The following CASQ2 variants were observed in gnomAD, a reference collection of about 807,000 sequenced individuals.
CASQ2 encodes calsequestrin 2, also known as calsequestrin-2.
A neutral mutation model predicts 46.5 loss-of-function variants in CASQ2; 49 were observed. The observed-to-expected ratio is 1.05, with a 90% CI of 0.84 to 1.34. CASQ2 has a LOEUF of 1.34. Ranked by LOEUF, CASQ2 falls within the 40% of genes most tolerant of loss-of-function variation. The pLI is 0.00. For missense variants in CASQ2, 486 were observed against 481.3 expected, an observed-to-expected ratio of 1.01 and a Z score of -0.09; for synonymous variants, 174 against 168.5, an observed-to-expected ratio of 1.03 and a Z score of -0.25.
chr1:115,758,809 C>T (rs1414937295), intron 1 of CASQ2, among the ~76,000 whole-genome samples: 4 of 152,194 alleles, frequency 2.6e-5, no homozygotes, highest in Admixed American at 6.5e-5. Flanking sequence ...CAGCCTGTGG[C>T]CCTAGCCAGA....
intron 6 of CASQ2, 29 bp downstream of exon 6, chr1:115,726,963 C>A (rs747753472): frequency 3.4e-6 from 5 of 1,492,354 alleles, no homozygotes; most frequent in Admixed American, 1.7e-5. Context: ...GACCCCAGGC[C>A]CCCAGCCCCC....
At chr1:115,755,064 G>T (rs752035590) in intron 1 of CASQ2, among the ~76,000 whole-genome samples, 2 of 152,234 alleles carry the variant, frequency 1.3e-5, no homozygotes, top group African/African-American at 4.8e-5. Flanking sequence ...CACATTGAGA[G>T]CTGTGGCTCT....
intron 4 of CASQ2, among the ~76,000 whole-genome samples, chr1:115,734,848 A>G (rs1647903067): frequency 6.6e-6 from 1 of 152,240 alleles, no homozygotes; most frequent in Non-Finnish European, 1.5e-5. Context: ...CTGACCAGAA[A>G]TGCTTGGAAT....
chr1:115,728,006 G>A lies in CASQ2; in HGVS notation c.607-884C>T, dbSNP rs916742792. Reference sequence around the variant, plus strand: ...ATTTCAGAGGCCTGGAATGTGCAACGCTCTATAGAAAACCAAATGCCACTC... The same window carrying A: ...ATTTCAGAGGCCTGGAATGTGCAACACTCTATAGAAAACCAAATGCCACTC... On this transcript the variant is annotated intron_variant, in intron 5 of 10. Transcript: ENST00000261448. Among the ~76,000 whole-genome samples the A allele has an allele frequency of 3.9e-5, 6 of 152,162 alleles. No homozygotes were observed. The South Asian group carries it at 6.2e-4, about 16-fold the overall frequency.
At chr1:115,728,157 G>A (rs188900605) in intron 5 of CASQ2, among the ~76,000 whole-genome samples, 13 of 152,278 alleles carry the variant, frequency 8.5e-5, no homozygotes, top group African/African-American at 2.2e-4. Context: ...GACCCAGGGC[G>A]GCTGCAACTA....
rs10801969 is a variant in CASQ2 at position 115,745,013 on chromosome 1, A to G, written c.235-101T>C. ...ATGTATCAATGGAAGGGTTTCCTCTATACTTGCTGTTACTATGTGACCAAG... is the reference window on the plus strand; with the variant it reads ...ATGTATCAATGGAAGGGTTTCCTCTGTACTTGCTGTTACTATGTGACCAAG... On this transcript the variant is annotated intron_variant, in intron 1 of 10. Transcript: ENST00000261448. 247,365 of 838,986 alleles carry G rather than the reference A, an allele frequency of 0.29. 37,982 individuals carry two copies. Among genetic ancestry groups the G allele is most frequent in the East Asian group, 0.37 (14,509 of 39,264 alleles). 52.0% of individuals were successfully genotyped at this position (838,986 alleles called of 1,614,324 possible). A position where few individuals can be genotyped will look rare whatever the true frequency, so the allele number is the denominator to read the frequency against.
chr1:115,743,324 A>G (rs991659008), intron 2 of CASQ2, among the ~76,000 whole-genome samples: 1 of 151,844 alleles, frequency 6.6e-6, no homozygotes, highest in Non-Finnish European at 1.5e-5. Flanking sequence ...AGTCACGGCA[A>G]TCTTGATCTC....
At chr1:115,748,035 A>G (rs937029686) in intron 1 of CASQ2, among the ~76,000 whole-genome samples, 2 of 152,022 alleles carry the variant, frequency 1.3e-5, no homozygotes, top group Admixed American at 1.3e-4. Flanking sequence ...TTTCTTTCCC[A>G]TTCTTAGAGG....
At chr1:115,728,214 G>C (rs754850719) in intron 5 of CASQ2, among the ~76,000 whole-genome samples, 2 of 152,156 alleles carry the variant, frequency 1.3e-5, no homozygotes, top group Non-Finnish European at 2.9e-5. Context: ...CTTACACAAG[G>C]AGATCCATTC....
chr1:115,710,745 A>C (rs576616401), intron 8 of CASQ2, among the ~76,000 whole-genome samples: 172 of 152,268 alleles, frequency 1.1e-3, no homozygotes, highest in Non-Finnish European at 2.0e-3. Flanking sequence ...ATGTAAATAA[A>C]GAGACCTGGA....
intron 2 of CASQ2, among the ~76,000 whole-genome samples, chr1:115,741,992 G>A (rs1236335737): frequency 6.6e-6 from 1 of 152,092 alleles, no homozygotes; most frequent in Non-Finnish European, 1.5e-5. Flanking sequence ...CACATGGGCG[G>A]GAAATGGTAG....
At chr1:115,764,794 C>T (rs1191744499) in intron 1 of CASQ2, among the ~76,000 whole-genome samples, 1 of 152,176 alleles carries the variant, frequency 6.6e-6, no homozygotes, top group Non-Finnish European at 1.5e-5. Flanking sequence ...TTGCCTTTTT[C>T]TTGCTAAGCT....
intron 9 of CASQ2, among the ~76,000 whole-genome samples, 185 bp downstream of exon 9, chr1:115,705,007 C>T (rs1431877413): frequency 2.0e-5 from 3 of 152,206 alleles, no homozygotes; most frequent in Non-Finnish European, 4.4e-5. Context: ...TAAGCCGAAT[C>T]CTTTCAGGGT....
chr1:115,706,189 T>C (rs891053164), intron 8 of CASQ2, among the ~76,000 whole-genome samples: 1 of 151,444 alleles, frequency 6.6e-6, no homozygotes. Context: ...TGTGTATGTG[T>C]GTGTGCGTGT....
chr1:115,756,523 A>G (rs1042967988), intron 1 of CASQ2, among the ~76,000 whole-genome samples: 3 of 152,244 alleles, frequency 2.0e-5, no homozygotes, highest in African/African-American at 7.2e-5. Context: ...TGCTGAGTAA[A>G]GAAAAATCTT....
chr1:115,761,811 C>T lies in CASQ2; in HGVS notation c.234+6497G>A, dbSNP rs541341798. Among the ~76,000 whole-genome samples, 16 of 151,898 alleles carry T rather than the reference C, an allele frequency of 1.1e-4. No homozygotes were observed. The East Asian group carries it at 1.5e-3, about 15-fold the overall frequency. On this transcript the variant is annotated intron_variant, in intron 1 of 10. Coordinates refer to ENST00000261448, the MANE Select transcript of CASQ2 (RefSeq NM_001232.4). ...GTCATAGATGATGAAACCAGCATCC[C>T]TCTCCGCTACAGGGCTTAATAGATA...
At chr1:115,726,970 C>A in intron 6 of CASQ2, 22 bp downstream of exon 6, 1 of 1,578,828 alleles carries the variant, frequency 6.3e-7, no homozygotes, top group Non-Finnish European at 8.7e-7. Flanking sequence ...GGCCCCCAGC[C>A]CCCACATGCC....
At chr1:115,750,905 T>A (rs1648558461) in intron 1 of CASQ2, among the ~76,000 whole-genome samples, 1 of 152,280 alleles carries the variant, frequency 6.6e-6, no homozygotes, top group Non-Finnish European at 1.5e-5. Flanking sequence ...CCTGTAGGTA[T>A]GTATCGCACC....
At chr1:115,757,473 A>T (rs1648800304) in intron 1 of CASQ2, among the ~76,000 whole-genome samples, 1 of 152,018 alleles carries the variant, frequency 6.6e-6, no homozygotes, top group Non-Finnish European at 1.5e-5. Flanking sequence ...GAACAGTTGG[A>T]AAAAAAATAC....
Sources: allele counts gnomAD v4.1 joint callset (sites outside exome capture counted in the v4.1 genomes callset), GRCh38; gene constraint gnomAD v4.1.1; transcripts MANE v1.5; gene names NCBI Gene and HGNC (gene_info 2026-07-23, HGNC 2026-07-21).